The following SRM variants were observed in gnomAD, a reference collection of about 807,000 sequenced individuals.
The protein encoded by SRM is putrescine aminopropyltransferase.
A neutral mutation model predicts 39.3 loss-of-function variants in SRM; 14 were observed. The ratio of observed to expected loss-of-function variants is 0.36; its 90% CI spans 0.24 to 0.56. SRM has a LOEUF of 0.56. Among genes scored for constraint, SRM ranks in the 20% least tolerant of loss-of-function variants. SRM has a pLI of 0.86. For synonymous variants in SRM, 195 were observed against 173.1 expected, an observed-to-expected ratio of 1.13 and a Z score of -0.99; for missense variants, 244 against 409.2, an observed-to-expected ratio of 0.60 and a Z score of 3.48.
chr1:11,059,131 T>C (rs1638931580), intron 2 of SRM, 94 bp downstream of exon 2: 1 of 1,588,148 alleles, frequency 6.3e-7, no homozygotes, highest in Non-Finnish European at 8.6e-7. Flanking sequence ...GCTAGCACTT[T>C]CTCTGACAAC....
rs1239098464 is a variant in SRM, at chr1:11,054,846, T to G, written c.*19A>C. The G allele has an allele frequency of 1.9e-6, 3 of 1,597,440 alleles. No homozygotes were observed. The highest frequency in any genetic ancestry group is 2.7e-5 in the African/African-American group (2 of 74,520). Reference sequence around the variant, plus strand: ...CCAAGGTCCGAGGTCCTGGGTGGCATCAGTGGTGGCGCCTGGGCTCAGCTC... The same window carrying G: ...CCAAGGTCCGAGGTCCTGGGTGGCAGCAGTGGTGGCGCCTGGGCTCAGCTC... On this transcript the variant is annotated 3_prime_UTR_variant, in exon 8 of 8. Coordinates refer to ENST00000376957, the MANE Select transcript of SRM (RefSeq NM_003132.3). The surrounding 1 kb of genome is among the most constrained non-coding windows in gnomAD (Gnocchi z 4.8).
chr1:11,056,074 T>C lies in SRM; in HGVS notation c.556A>G (p.Lys186Glu), dbSNP rs569996394. The C allele has an allele frequency of 1.2e-6, 2 of 1,612,426 alleles. No homozygotes were observed. The highest frequency in any genetic ancestry group is 1.1e-5 in the South Asian group (1 of 90,752). Reference protein sequence around the residue: ...DPMGPAESLFKESYYQLMKTA... With the variant: ...DPMGPAESLFEESYYQLMKTA... ...TTCATGAGCTGGTAATAGGACTCCT[T>C]GAAGAGACTTTCGGCGGGGCCTGGG... The change falls in exon 5 of 8, where the codon AAG becomes GAG. Residue 186 changes from lysine (K) to glutamate (E), a missense_variant. Transcript: ENST00000376957.
chr1:11,059,839 C>A lies in SRM; in HGVS notation c.105G>T (p.Leu35=), dbSNP rs1474661984. 5.7e-6 allele frequency: 9 copies of A among 1,573,456 alleles called. No homozygotes were observed. Among genetic ancestry groups the A allele is most frequent in the Non-Finnish European group, 7.7e-6 (9 of 1,169,628 alleles). The change falls in exon 1 of 8, where the codon CTG becomes CTT. Residue 35 remains leucine (L), a synonymous_variant. Transcript: ENST00000376957. ...GGTGGTGGAGCAGCTGCTCCACCTGCAGTGACAGGGCCTGGCCGGGCCACA... is the reference window on the plus strand; with the variant it reads ...GGTGGTGGAGCAGCTGCTCCACCTGAAGTGACAGGGCCTGGCCGGGCCACA... The part of the protein sequence containing the change: ...CSLWPGQALS[L]QVEQLLHHRR...
At chr1:11,056,792 G>A in intron 3 of SRM, 35 bp from the exon 4 acceptor site, 1 of 1,612,212 alleles carries the variant, frequency 6.2e-7, no homozygotes, top group Non-Finnish European at 8.5e-7. Flanking sequence ...CTGGGCCAAG[G>A]GGCTGGGGGA....
At position 11,059,242 on chromosome 1, in the gene SRM, GGC is replaced by G; in HGVS notation, c.269_270del (p.Ser90ThrfsTer34). The stretch of plus-strand genomic sequence containing the variant: ...TGGGGTACCTTTCGCGGGTTGGGGT[GGC>G]TGCAGAGAGGCAGGTTGGCGATCAT... ...QEMIANLPLC[S>X]HPNPRKVLII... On this transcript the variant is annotated frameshift_variant, in exon 2 of 8. Coordinates refer to ENST00000376957, the MANE Select transcript of SRM (RefSeq NM_003132.3). LOFTEE classifies it high-confidence loss of function. 6.2e-7 allele frequency: 1 copy of G among 1,613,590 alleles called. No individual in the cohort carries two copies. The highest frequency in any genetic ancestry group is 1.3e-5 in the African/African-American group (1 of 75,068).
At chr1:11,059,524 C>T (rs1242645766) in intron 1 of SRM, 179 bp from the exon 2 acceptor site, 2 of 1,112,264 alleles carry the variant, frequency 1.8e-6, no homozygotes, top group East Asian at 5.0e-5. Context: ...GGGTGGGACC[C>T]GGGGTCTCCT....
At chr1:11,057,068 G>A (rs1473752091) in intron 3 of SRM, among the ~76,000 whole-genome samples, 1 of 152,020 alleles carries the variant, frequency 6.6e-6, no homozygotes, top group African/African-American at 2.4e-5. Flanking sequence ...TAGAGATAGA[G>A]TCTCCCTATG....
chr1:11,057,539 G>T (rs1266826605), intron 3 of SRM, among the ~76,000 whole-genome samples: 3 of 149,564 alleles, frequency 2.0e-5, no homozygotes, highest in Non-Finnish European at 4.4e-5. Context: ...GAGATTACAG[G>T]TGTGAGCCAC....
chr1:11,059,646 G>T, intron 1 of SRM, 131 bp downstream of exon 1: 2 of 1,134,684 alleles, frequency 1.8e-6, no homozygotes, highest in Non-Finnish European at 2.4e-6. Context: ...GGCGGTGTGA[G>T]GGGTGGCGAG....
intron 4 of SRM, 133 bp downstream of exon 4, chr1:11,056,470 CA>C: frequency 8.7e-7 from 1 of 1,153,802 alleles, no homozygotes. Context: ...GGGCAGGTAA[CA>C]AATGAGAAGG....
chr1:11,056,025 A>C lies in SRM; in HGVS notation c.605T>G (p.Val202Gly), dbSNP rs1339077050. ...LMKTALKEDG[V>G]LCCQGECQWL... ...CTGTGGCTCACCCTGGCAGCAGAGGACACCATCTTCCTTGAGGGCTGTCTT... is the reference window on the plus strand; with the variant it reads ...CTGTGGCTCACCCTGGCAGCAGAGGCCACCATCTTCCTTGAGGGCTGTCTT... The change falls in exon 5 of 8, where the codon GTC becomes GGC. Residue 202 changes from valine (V) to glycine (G), a missense_variant. Val to Gly is a moderately radical substitution (Grantham distance 109, BLOSUM62 -3). Transcript: ENST00000376957. 4 of 1,606,594 alleles carry C rather than the reference A, an allele frequency of 2.5e-6. No individual in the cohort carries two copies. The South Asian group carries it at 3.3e-5, about 13-fold the overall frequency.
At chr1:11,058,157 C>T (rs550970145) in intron 3 of SRM, among the ~76,000 whole-genome samples, 2 of 152,302 alleles carry the variant, frequency 1.3e-5, no homozygotes, top group African/African-American at 4.8e-5. Context: ...TCCCCATACC[C>T]GGGCAACACC....
intron 1 of SRM, 83 bp downstream of exon 1, chr1:11,059,694 C>A (rs1453701193): frequency 1.4e-6 from 2 of 1,443,292 alleles, no homozygotes; most frequent in Admixed American, 4.9e-5. Flanking sequence ...CGCTTGGGTC[C>A]CGGCGTGGAG....
At chr1:11,057,653 C>T (rs1638904158) in intron 3 of SRM, among the ~76,000 whole-genome samples, 1 of 150,484 alleles carries the variant, frequency 6.6e-6, no homozygotes, top group Non-Finnish European at 1.5e-5. Flanking sequence ...ACTGAGGTCT[C>T]AGCTCAAACG....
rs373195872 is a variant in SRM, at chr1:11,054,830, G to A, written c.*35C>T. 1.3e-4 allele frequency: 206 copies of A among 1,581,414 alleles called. No individual in the cohort carries two copies. Among genetic ancestry groups the A allele is most frequent in the Non-Finnish European group, 1.7e-4 (200 of 1,161,752 alleles). ...AGGCACCCCGCAGGCTCCAAGGTCC[G>A]AGGTCCTGGGTGGCATCAGTGGTGG... On this transcript the variant is annotated 3_prime_UTR_variant, in exon 8 of 8. Coordinates refer to ENST00000376957, the MANE Select transcript of SRM (RefSeq NM_003132.3). The surrounding 1 kb of genome is among the most constrained non-coding windows in gnomAD (Gnocchi z 4.8).
At chr1:11,059,653 C>T (rs1638942326) in intron 1 of SRM, 124 bp downstream of exon 1, 3 of 1,198,662 alleles carry the variant, frequency 2.5e-6, no homozygotes, top group Admixed American at 5.8e-5. Context: ...TGAGGGGTGG[C>T]GAGGGGGCCA....
rs1234320484 is a variant in SRM, at chr1:11,055,874, G to A, written c.672C>T (p.Cys224=). Residue 224 remains cysteine, a synonymous_variant, in exon 6 of 8, where the codon TGC becomes TGT. Coordinates refer to ENST00000376957, the MANE Select transcript of SRM (RefSeq NM_003132.3). ...AGGCCACCACGGGGAACAGGGACTG[G>A]CAGAACTGCCGCATCTCCTTGATGA... is the stretch of plus-strand genomic sequence containing the variant. ...LDLIKEMRQF[C]QSLFPVVAYA... is the part of the protein sequence containing the mutation. 2.5e-6 allele frequency: 4 copies of A among 1,611,904 alleles called. No homozygotes were observed. The highest frequency in any genetic ancestry group is 3.4e-6 in the Non-Finnish European group (4 of 1,178,978).
chr1:11,058,713 C>A (rs1291594208), intron 3 of SRM, 87 bp downstream of exon 3: 3 of 1,192,488 alleles, frequency 2.5e-6, no homozygotes, highest in South Asian at 3.1e-5. Context: ...GCCCTACCTG[C>A]CTTGCTCGGG....
intron 6 of SRM, chr1:11,055,329 G>A (rs1638854099): frequency 2.2e-6 from 1 of 464,716 alleles, no homozygotes; most frequent in Non-Finnish European, 3.6e-6. Flanking sequence ...GGCTGGTCTT[G>A]TACTCCTGAC....
Sources: allele counts gnomAD v4.1 joint callset (sites outside exome capture counted in the v4.1 genomes callset), GRCh38; gene constraint gnomAD v4.1.1; non-coding constraint Gnocchi (gnomAD v3.1); transcripts MANE v1.5; gene names NCBI Gene and HGNC (gene_info 2026-07-23, HGNC 2026-07-21).